MDM1: variants seen among roughly 807,000 people sequenced by gnomAD.
MDM1 encodes the protein stabilizer of axonemal microtubules 6.
In MDM1, 61 loss-of-function variants were observed where a neutral mutation model predicts 89.1. The observed-to-expected ratio is 0.68, with a 90% CI of 0.56 to 0.85. MDM1 has a LOEUF of 0.85. MDM1 is among the 40% of genes least tolerant of loss of function. The pLI, the probability that MDM1 is intolerant of heterozygous loss-of-function variation, is 0.00. For missense variants in MDM1, 820 were observed against 846.5 expected (o/e 0.97, Z 0.39); for synonymous variants, 290 against 294.1 (o/e 0.99, Z 0.14).
intron 4 of MDM1, chr12:68,325,148 ATC>A: frequency 9.9e-7 from 1 of 1,013,210 alleles, no homozygotes; most frequent in Non-Finnish European, 1.2e-6. Context: ...AAGTAAAAAA[ATC>A]TTGTAGCATG....
At chr12:68,309,960 G>A (rs1453730587) in intron 12 of MDM1, among the ~76,000 whole-genome samples, 3 of 152,272 alleles carry the variant, frequency 2.0e-5, no homozygotes, top group East Asian at 1.9e-4. Context: ...ACTTGTGTAC[G>A]TATGTACATA....
intron 2 of MDM1, chr12:68,330,873 G>C (rs1024360410): frequency 1.6e-5 from 8 of 494,518 alleles, no homozygotes; most frequent in Non-Finnish European, 2.2e-5. Flanking sequence ...TGTGATGGAG[G>C]CCTCCATTAG....
chr12:68,308,745 T>C (rs775438788), intron 12 of MDM1, among the ~76,000 whole-genome samples: 63 of 152,208 alleles, frequency 4.1e-4, no homozygotes, highest in Non-Finnish European at 7.8e-4. Context: ...TAAGAGCCTA[T>C]TAAATATTGA....
intron 7 of MDM1, among the ~76,000 whole-genome samples, chr12:68,319,390 C>T (rs1874922720): frequency 1.3e-5 from 2 of 152,104 alleles, no homozygotes; most frequent in Non-Finnish European, 2.9e-5. Flanking sequence ...GATATATGGA[C>T]TCGAAAACTA....
At chr12:68,311,006 A>G (rs896229702) in intron 12 of MDM1, among the ~76,000 whole-genome samples, 1 of 152,096 alleles carries the variant, frequency 6.6e-6, no homozygotes, top group Non-Finnish European at 1.5e-5. Flanking sequence ...CAAGTCTTTT[A>G]TTTTACCTAG....
At chr12:68,316,274 A>G in intron 8 of MDM1, 21 bp from the exon 9 acceptor site, 1 of 1,593,130 alleles carries the variant, frequency 6.3e-7, no homozygotes, top group Non-Finnish European at 8.5e-7. Flanking sequence ...GAGTTCAGAC[A>G]TCATATACTA....
intron 14 of MDM1, 122 bp from the exon 15 acceptor site, chr12:68,295,488 GA>G (rs371457882): frequency 1.5e-5 from 9 of 607,268 alleles, no homozygotes; most frequent in South Asian, 4.0e-5. Context: ...AGTTAGTCAG[GA>G]AAAAAAGTAA....
At chr12:68,321,694 G>A (rs1374103561) in intron 5 of MDM1, 66 bp from the exon 6 acceptor site, 1 of 980,738 alleles carries the variant, frequency 1.0e-6, no homozygotes, top group Non-Finnish European at 1.5e-6. Context: ...AAACATGCAT[G>A]TTATAAAGTT....
chr12:68,298,592 A>G (rs1871728360), intron 13 of MDM1, among the ~76,000 whole-genome samples: 1 of 152,000 alleles, frequency 6.6e-6, no homozygotes, highest in Admixed American at 6.6e-5. Context: ...CAGGAGGAGC[A>G]CTCCCCAGAT....
intron 12 of MDM1, among the ~76,000 whole-genome samples, chr12:68,311,548 G>T (rs1873689742): frequency 6.6e-6 from 1 of 152,124 alleles, no homozygotes; most frequent in Non-Finnish European, 1.5e-5. Flanking sequence ...TAACAATAAA[G>T]AAACAATCAG....
At chr12:68,305,578 T>A (rs1872756927) in intron 12 of MDM1, among the ~76,000 whole-genome samples, 1 of 151,950 alleles carries the variant, frequency 6.6e-6, no homozygotes. Context: ...AAAATTAACG[T>A]ACAAAAATCA....
chr12:68,320,382 TAGAGA>T (rs1875056728), intron 7 of MDM1, among the ~76,000 whole-genome samples: 1 of 149,316 alleles, frequency 6.7e-6, no homozygotes, highest in Non-Finnish European at 1.5e-5. Flanking sequence ...CGTGCTCAAA[TAGAGA>T]AGTAGAAAGA....
chr12:68,311,740 A>G (rs958947055), intron 12 of MDM1, among the ~76,000 whole-genome samples: 1 of 151,576 alleles, frequency 6.6e-6, no homozygotes, highest in Admixed American at 6.6e-5. Flanking sequence ...TCTCTCAACT[A>G]CTCCTGCATT....
intron 10 of MDM1, 37 bp from the exon 11 acceptor site, chr12:68,313,790 T>A: frequency 1.4e-6 from 2 of 1,457,270 alleles, no homozygotes; most frequent in Middle Eastern, 1.8e-4. Context: ...TATACAGCAT[T>A]TCCTCGAGAA....
At chr12:68,320,057 C>T (rs867501851) in intron 7 of MDM1, among the ~76,000 whole-genome samples, 1 of 152,216 alleles carries the variant, frequency 6.6e-6, no homozygotes, top group Non-Finnish European at 1.5e-5. Flanking sequence ...TAACCTCAAC[C>T]TAGTGTCACG....
At chr12:68,297,980 C>T (rs185490914) in intron 13 of MDM1, among the ~76,000 whole-genome samples, 31 of 152,246 alleles carry the variant, frequency 2.0e-4, no homozygotes, top group Admixed American at 4.6e-4. Context: ...TTAACAAAAA[C>T]GACATAAACT....
chr12:68,308,634 T>G (rs1334275245), intron 12 of MDM1, among the ~76,000 whole-genome samples: 2 of 152,164 alleles, frequency 1.3e-5, no homozygotes. Context: ...TCTTAAAAAA[T>G]TGTCTATTCC....
In MDM1 at chr12:68,331,208, T is replaced by C. The variant is rs148150437; in HGVS notation, c.32A>G (p.Tyr11Cys). The change falls in exon 2 of 15, where the codon TAC (tyrosine) becomes TGC (cysteine). Residue 11 changes from tyrosine (Y) to cysteine (C), a missense_variant. Transcript: ENST00000682720. ...CTTTTTCCACAGGAAGTTCCTCTGG[T>C]ATTCACTCAGCCCCTGTAATGCAAA... MPVRFKGLSE[Y>C]QRNFLWKKSY... 1.3e-6 allele frequency: 2 copies of C among 1,585,510 alleles called. No homozygotes were observed. The highest frequency in any genetic ancestry group is 3.3e-5 in the Admixed American group (2 of 60,012).
intron 12 of MDM1, among the ~76,000 whole-genome samples, chr12:68,306,848 T>C (rs1267047832): frequency 1.3e-5 from 2 of 152,154 alleles, no homozygotes; most frequent in Non-Finnish European, 2.9e-5. Context: ...CACTACTGAG[T>C]ATCTACCCAA....
Sources: gnomAD v4.1 joint callset for allele counts (sites outside exome capture counted in the v4.1 genomes callset) on GRCh38, gnomAD v4.1.1 for gene constraint, MANE v1.5 for transcripts, NCBI Gene and HGNC (gene_info 2026-07-23, HGNC 2026-07-21) for gene names.